Variants in PDE7A observed in about 807,000 individuals in gnomAD.
PDE7A encodes phosphodiesterase 7A, also known as high affinity 3',5'-cyclic-AMP phosphodiesterase 7A.
In PDE7A, 39 loss-of-function variants were observed where a neutral mutation model predicts 64.3. The observed-to-expected ratio is 0.61, with a 90% CI of 0.47 to 0.79. The LOEUF is 0.79. Among genes scored for constraint, PDE7A ranks in the 30% least tolerant of loss-of-function variants. The pLI, the probability that PDE7A is intolerant of heterozygous loss-of-function variation, is 0.00. For synonymous variants in PDE7A, 203 were observed against 206.8 expected (o/e 0.98, Z 0.16); for missense variants, 470 against 582.8 (o/e 0.81, Z 1.99).
chr8:65,796,839 A>G (rs1170251633), intron 1 of PDE7A, among the ~76,000 whole-genome samples: 1 of 152,196 alleles, frequency 6.6e-6, no homozygotes, highest in Non-Finnish European at 1.5e-5. Flanking sequence ...TAAATACATT[A>G]AGGCCACAAA....
At chr8:65,836,491 G>A (rs989755213) in intron 1 of PDE7A, among the ~76,000 whole-genome samples, 8 of 152,180 alleles carry the variant, frequency 5.3e-5, no homozygotes, top group African/African-American at 1.9e-4. Context: ...TCAAAGGATA[G>A]ATCCTTTTGT....
At chr8:65,779,652 G>T in intron 3 of PDE7A, 68 bp downstream of exon 3, 2 of 817,272 alleles carry the variant, frequency 2.4e-6, no homozygotes, top group Non-Finnish European at 3.9e-6. Flanking sequence ...TTTTCCCTTG[G>T]AAAACTGTGT....
At chr8:65,828,277 T>A (rs1431212331) in intron 1 of PDE7A, among the ~76,000 whole-genome samples, 1 of 152,098 alleles carries the variant, frequency 6.6e-6, no homozygotes, top group African/African-American at 2.4e-5. Context: ...CATTGATATA[T>A]AATATCTTCC....
At chr8:65,804,176 G>A (rs1194683773) in intron 1 of PDE7A, among the ~76,000 whole-genome samples, 1 of 152,102 alleles carries the variant, frequency 6.6e-6, no homozygotes, top group Non-Finnish European at 1.5e-5. Context: ...ATGATATTTT[G>A]TATTACAAAG....
intron 7 of PDE7A, chr8:65,727,802 G>A (rs1806672713): frequency 6.6e-6 from 1 of 152,372 alleles, no homozygotes; most frequent in South Asian, 2.1e-4. Context: ...GAGTAATCAT[G>A]TTAAGTGGAA....
intron 2 of PDE7A, 69 bp from the exon 3 acceptor site, chr8:65,779,872 CA>C: frequency 1.1e-6 from 1 of 931,324 alleles, no homozygotes. Flanking sequence ...CCATATGCAA[CA>C]AAGGTCCGTG....
chr8:65,770,320 T>C (rs1005406446), intron 3 of PDE7A, among the ~76,000 whole-genome samples: 1 of 152,232 alleles, frequency 6.6e-6, no homozygotes, highest in Non-Finnish European at 1.5e-5. Flanking sequence ...CACAGTTCCA[T>C]GTGGCTGGGG....
intron 5 of PDE7A, among the ~76,000 whole-genome samples, chr8:65,745,164 C>T (rs567496947): frequency 8.5e-5 from 13 of 152,306 alleles, no homozygotes; most frequent in Admixed American, 4.6e-4. Flanking sequence ...TGCCTTTCAC[C>T]TTCCACCATG....
At chr8:65,812,249 A>G (rs1019662003) in intron 1 of PDE7A, among the ~76,000 whole-genome samples, 1 of 152,066 alleles carries the variant, frequency 6.6e-6, no homozygotes, top group African/African-American at 2.4e-5. Flanking sequence ...AGAACAAAAT[A>G]CATGCACAAG....
At chr8:65,835,894 T>C (rs1292151841) in intron 1 of PDE7A, among the ~76,000 whole-genome samples, 3 of 152,200 alleles carry the variant, frequency 2.0e-5, no homozygotes, top group African/African-American at 4.8e-5. Context: ...TTGAACACCC[T>C]GTTAGAACTA....
intron 1 of PDE7A, among the ~76,000 whole-genome samples, chr8:65,793,182 C>G (rs116454450): frequency 1.3e-5 from 2 of 152,054 alleles, no homozygotes; most frequent in African/African-American, 2.4e-5. Context: ...AGTATTTGGG[C>G]GGAAATACTT....
chr8:65,750,240 T>A (rs1487285535), intron 3 of PDE7A, among the ~76,000 whole-genome samples: 2 of 152,204 alleles, frequency 1.3e-5, no homozygotes, highest in African/African-American at 4.8e-5. Flanking sequence ...AATGAATGCA[T>A]TAGAGCCGAC....
At chr8:65,723,933 A>C (rs1806498289) in intron 11 of PDE7A, among the ~76,000 whole-genome samples, 1 of 152,150 alleles carries the variant, frequency 6.6e-6, no homozygotes, top group Non-Finnish European at 1.5e-5. Flanking sequence ...CACACACAAA[A>C]GTTTTACATG....
chr8:65,737,403 T>C (rs1807186802), intron 6 of PDE7A, among the ~76,000 whole-genome samples: 1 of 152,272 alleles, frequency 6.6e-6, no homozygotes, highest in African/African-American at 2.4e-5. Flanking sequence ...ACTATATTAA[T>C]TATAAACTTG....
At chr8:65,761,302 G>C (rs1471169376) in intron 3 of PDE7A, among the ~76,000 whole-genome samples, 1 of 152,076 alleles carries the variant, frequency 6.6e-6, no homozygotes, top group South Asian at 2.1e-4. Flanking sequence ...CTGACCTCGT[G>C]ATCCACCTGC....
intron 6 of PDE7A, among the ~76,000 whole-genome samples, chr8:65,737,644 G>A (rs1466424347): frequency 1.3e-5 from 2 of 151,812 alleles, no homozygotes; most frequent in African/African-American, 4.8e-5. Context: ...TCAGCCTCCC[G>A]AGTAGGTAGG....
chr8:65,739,354 G>A (rs1807299551), intron 6 of PDE7A, 148 bp downstream of exon 6: 1 of 888,972 alleles, frequency 1.1e-6, no homozygotes, highest in Non-Finnish European at 1.5e-6. Context: ...ACAGATGCAA[G>A]AGCTAAATAA....
At chr8:65,785,991 T>G (rs1477478271) in intron 1 of PDE7A, among the ~76,000 whole-genome samples, 1 of 152,174 alleles carries the variant, frequency 6.6e-6, no homozygotes, top group Non-Finnish European at 1.5e-5. Flanking sequence ...AACTGGGTAA[T>G]GCGCATAGTC....
intron 1 of PDE7A, among the ~76,000 whole-genome samples, chr8:65,800,785 C>T (rs906346464): frequency 2.0e-5 from 3 of 152,190 alleles, no homozygotes; most frequent in Admixed American, 1.3e-4. Context: ...AAGGCCCTTG[C>T]TCAACGAACA....
Sources: allele counts gnomAD v4.1 joint callset (sites outside exome capture counted in the v4.1 genomes callset), GRCh38; gene constraint gnomAD v4.1.1; transcripts MANE v1.5; gene names NCBI Gene and HGNC (gene_info 2026-07-23, HGNC 2026-07-21).